The following IGSF21 variants were observed in gnomAD, a reference collection of about 807,000 sequenced individuals.
IGSF21 encodes immunoglobin superfamily member 21.
IGSF21 carries 28 observed loss-of-function variants against 46.8 expected under a neutral mutation model. The observed-to-expected ratio is 0.60, with a 90% CI of 0.44 to 0.82. IGSF21 has a LOEUF of 0.82. Among genes scored for constraint, IGSF21 ranks in the 40% least tolerant of loss-of-function variants. The pLI is 0.00. For synonymous variants in IGSF21, 284 were observed against 273.6 expected (o/e 1.04, Z -0.38); for missense variants, 624 against 665.5 (o/e 0.94, Z 0.69).
chr1:18,188,489 A>T (rs182268894), intron 1 of IGSF21, among the ~76,000 whole-genome samples: 1 of 152,310 alleles, frequency 6.6e-6, no homozygotes. Flanking sequence ...CACAAAGTAA[A>T]ATATAAATAT....
chr1:18,328,107 G>T (rs964073027), intron 3 of IGSF21, among the ~76,000 whole-genome samples: 1 of 152,134 alleles, frequency 6.6e-6, no homozygotes, highest in Non-Finnish European at 1.5e-5. Flanking sequence ...CCAGAGAAAA[G>T]GTGTCTTTAT....
chr1:18,291,625 C>G (rs750406949), intron 2 of IGSF21, among the ~76,000 whole-genome samples: 13 of 152,206 alleles, frequency 8.5e-5, no homozygotes, highest in Admixed American at 2.0e-4. Flanking sequence ...TGCCGCAGGG[C>G]CTTTGCTGTT....
At chr1:18,245,867 C>A (rs2084778728) in intron 2 of IGSF21, among the ~76,000 whole-genome samples, 1 of 152,184 alleles carries the variant, frequency 6.6e-6, no homozygotes, top group Non-Finnish European at 1.5e-5. Flanking sequence ...GATCAGGATT[C>A]AAACACATTA....
At chr1:18,234,275 C>A (rs564986568) in intron 2 of IGSF21, among the ~76,000 whole-genome samples, 58 of 152,330 alleles carry the variant, frequency 3.8e-4, no homozygotes, top group Middle Eastern at 3.4e-3. Flanking sequence ...CCTCCTTCCC[C>A]AACCCCTGGC....
chr1:18,317,198 C>T (rs1050716730), intron 3 of IGSF21, among the ~76,000 whole-genome samples: 1 of 152,188 alleles, frequency 6.6e-6, no homozygotes, highest in Non-Finnish European at 1.5e-5. Flanking sequence ...TTTGTTCATG[C>T]TAATTTTTCC....
intron 2 of IGSF21, among the ~76,000 whole-genome samples, chr1:18,281,812 G>A (rs2085163799): frequency 6.6e-6 from 1 of 152,174 alleles, no homozygotes; most frequent in Admixed American, 6.5e-5. Context: ...AGCTGGACAT[G>A]ATCACCTGGT....
At chr1:18,180,031 G>A (rs555451564) in intron 1 of IGSF21, among the ~76,000 whole-genome samples, 43 of 152,192 alleles carry the variant, frequency 2.8e-4, no homozygotes, top group African/African-American at 8.9e-4. Context: ...CTTCTTCTTG[G>A]GTCACCATCC....
In IGSF21 at chr1:18,108,016, A is replaced by T; in HGVS notation, c.-113A>T. On this transcript the variant is annotated 5_prime_UTR_variant, in exon 1 of 10. Coordinates refer to ENST00000251296, the MANE Select transcript of IGSF21 (RefSeq NM_032880.5). ...CCCGCGGCTCTCCGCGCTGCCCGCC[A>T]CCGCCTCGGCCAGTGGCCGGAGGCA... is the stretch of plus-strand genomic sequence containing the variant. 1 of 379,540 alleles carries T rather than the reference A, an allele frequency of 2.6e-6. No individual in the cohort carries two copies. Among genetic ancestry groups the T allele is most frequent in the Non-Finnish European group, 4.2e-6 (1 of 237,340 alleles). The allele number at this position is 379,540 out of a possible 1,614,324, so 23.5% of individuals were successfully genotyped here.
intron 2 of IGSF21, among the ~76,000 whole-genome samples, chr1:18,263,274 C>T (rs930827816): frequency 1.3e-5 from 2 of 152,118 alleles, no homozygotes; most frequent in African/African-American, 4.8e-5. Flanking sequence ...CTCTTACTGC[C>T]TGGGAGCCAT....
At chr1:18,169,079 T>C (rs2086709317) in intron 1 of IGSF21, among the ~76,000 whole-genome samples, 1 of 152,238 alleles carries the variant, frequency 6.6e-6, no homozygotes, top group African/African-American at 2.4e-5. Flanking sequence ...GAGCACCCAC[T>C]TGGCAAATGG....
At chr1:18,138,978 G>A (rs1182515883) in intron 1 of IGSF21, among the ~76,000 whole-genome samples, 2 of 152,210 alleles carry the variant, frequency 1.3e-5, no homozygotes, top group African/African-American at 4.8e-5. Flanking sequence ...AGCACCTGCT[G>A]AGTGCCAGCC....
At chr1:18,190,379 T>C (rs2086943617) in intron 1 of IGSF21, among the ~76,000 whole-genome samples, 1 of 152,270 alleles carries the variant, frequency 6.6e-6, no homozygotes, top group South Asian at 2.1e-4. Flanking sequence ...ATCTGTGAAA[T>C]GGGAATGGAA....
chr1:18,347,929 C>A (rs1048211929), intron 4 of IGSF21, among the ~76,000 whole-genome samples: 2 of 152,178 alleles, frequency 1.3e-5, no homozygotes, highest in African/African-American at 4.8e-5. Context: ...GAGAGAGTCC[C>A]ATCTCCCTCA....
chr1:18,348,564 G>T (rs1312704812), intron 4 of IGSF21, among the ~76,000 whole-genome samples: 3 of 152,200 alleles, frequency 2.0e-5, no homozygotes, highest in African/African-American at 7.2e-5. Context: ...TTAATTACTA[G>T]TGATATGTGG....
chr1:18,325,834 G>A (rs2085652261), intron 3 of IGSF21, among the ~76,000 whole-genome samples: 1 of 152,192 alleles, frequency 6.6e-6, no homozygotes, highest in South Asian at 2.1e-4. Flanking sequence ...GGAGGTTTGT[G>A]CTCTCACCCA....
intron 2 of IGSF21, among the ~76,000 whole-genome samples, chr1:18,261,186 C>T (rs1419836096): frequency 6.6e-6 from 1 of 152,186 alleles, no homozygotes; most frequent in Non-Finnish European, 1.5e-5. Flanking sequence ...AAGATGCTTG[C>T]AGCAACTAAA....
intron 1 of IGSF21, among the ~76,000 whole-genome samples, chr1:18,213,802 C>T (rs1371679045): frequency 6.6e-6 from 1 of 152,160 alleles, no homozygotes; most frequent in Admixed American, 6.5e-5. Flanking sequence ...TTGGCAGGCC[C>T]AGCATTGCAT....
intron 2 of IGSF21, among the ~76,000 whole-genome samples, chr1:18,247,799 C>T (rs1175734751): frequency 6.6e-6 from 1 of 152,076 alleles, no homozygotes; most frequent in Non-Finnish European, 1.5e-5. Flanking sequence ...TGTCATTGTC[C>T]CCATTCTATA....
At chr1:18,252,617 C>T (rs951400437) in intron 2 of IGSF21, among the ~76,000 whole-genome samples, 2 of 152,180 alleles carry the variant, frequency 1.3e-5, no homozygotes, top group Admixed American at 1.3e-4. Context: ...GCTGGGGAAG[C>T]CTGGGGTAGA....
Sources: allele counts gnomAD v4.1 joint callset (sites outside exome capture counted in the v4.1 genomes callset), GRCh38; gene constraint gnomAD v4.1.1; transcripts MANE v1.5; gene names NCBI Gene and HGNC (gene_info 2026-07-23, HGNC 2026-07-21).